Variants in EGLN3 observed in about 807,000 individuals in gnomAD.
EGLN3 encodes prolyl hydroxylase EGLN3.
Under a neutral mutation model 26.0 loss-of-function variants are expected in EGLN3, and 15 were observed. The observed-to-expected ratio is 0.58, with a 90% CI of 0.39 to 0.89. The LOEUF (loss-of-function observed/expected upper bound fraction) is 0.89, where lower values mean the gene tolerates loss of function less well. Among genes scored for constraint, EGLN3 ranks in the 40% least tolerant of loss-of-function variants. EGLN3 has a pLI of 0.00. For missense variants in EGLN3, 238 were observed against 311.6 expected (o/e 0.76, Z 1.78); for synonymous variants, 147 against 127.2 (o/e 1.16, Z -1.05).
chr14:33,927,050 G>C lies in EGLN3; in HGVS notation c.615-17C>G, dbSNP rs756965594. ...ATAGCATATCTGTGAAAGATAAGCA[G>C]ATATAAGGAAAGAGATTTAATGGTA... On this transcript the variant is annotated splice_polypyrimidine_tract_variant and intron_variant, in intron 3 of 4. Coordinates refer to ENST00000250457, the MANE Select transcript of EGLN3 (RefSeq NM_022073.4). 1.3e-6 allele frequency: 2 copies of C among 1,561,366 alleles called. No individual in the cohort carries two copies. Among genetic ancestry groups the C allele is most frequent in the South Asian group, 2.5e-5 (2 of 80,768 alleles).
chr14:33,941,271 G>A (rs2064481053), intron 1 of EGLN3, among the ~76,000 whole-genome samples: 1 of 152,042 alleles, frequency 6.6e-6, no homozygotes, highest in African/African-American at 2.4e-5. Flanking sequence ...AACTTGCCAG[G>A]GGCTGAGCTA....
In EGLN3 at chr14:33,936,384, C is replaced by A. The variant is rs543986082; in HGVS notation, c.358-5169G>T. On this transcript the variant is annotated intron_variant, in intron 1 of 4. Transcript: ENST00000250457. ...ATGGGTCTCATTTATATTCGGGTGACAACAGCCTAGGTGACAAACTTGCCA... is the reference window on the plus strand; with the variant it reads ...ATGGGTCTCATTTATATTCGGGTGAAAACAGCCTAGGTGACAAACTTGCCA... 6.0e-4 allele frequency among the ~76,000 whole-genome samples: 91 copies of A among 152,226 alleles called. 1 individual carries two copies. In the South Asian group the frequency reaches 0.018, roughly 30 times the overall value.
chr14:33,935,301 C>G (rs1247086658), intron 1 of EGLN3, among the ~76,000 whole-genome samples: 1 of 152,178 alleles, frequency 6.6e-6, no homozygotes, highest in African/African-American at 2.4e-5. Flanking sequence ...TAGAACGTCT[C>G]TTCTTCAGAG....
chr14:33,934,903 A>G (rs1232059527), intron 1 of EGLN3, among the ~76,000 whole-genome samples: 3 of 152,216 alleles, frequency 2.0e-5, no homozygotes, highest in Non-Finnish European at 4.4e-5. Context: ...ATGAAAATCC[A>G]TTGTTTAAGA....
rs2064418478 is a variant in EGLN3, at chr14:33,933,449, T to G, written c.358-2234A>C. ...ACAAAACCCCTACATGTCAGCAAAG[T>G]ATCCGACTGCTTAAGAGGGAGGCAA... is the stretch of plus-strand genomic sequence containing the variant. On this transcript the variant is annotated intron_variant, in intron 1 of 4. Coordinates refer to ENST00000250457, the MANE Select transcript of EGLN3 (RefSeq NM_022073.4). 3.3e-5 allele frequency among the ~76,000 whole-genome samples: 5 copies of G among 151,984 alleles called. No homozygotes were observed. The South Asian group carries it at 8.3e-4, about 25-fold the overall frequency.
chr14:33,949,339 G>A (rs1033185714), intron 1 of EGLN3: 4 of 152,164 alleles, frequency 2.6e-5, no homozygotes, highest in Non-Finnish European at 5.9e-5. Flanking sequence ...AGACTGATTT[G>A]AGAAATACTA....
At chr14:33,949,570 C>T (rs1054686109) in intron 1 of EGLN3, 2 of 152,180 alleles carry the variant, frequency 1.3e-5, no homozygotes, top group Admixed American at 1.3e-4. Context: ...TGGACATGCA[C>T]CAACATCGCG....
At chr14:33,931,392 G>A (rs2064402697) in intron 1 of EGLN3, 177 bp from the exon 2 acceptor site, 3 of 811,032 alleles carry the variant, frequency 3.7e-6, no homozygotes, top group African/African-American at 3.4e-5. Flanking sequence ...GTGCACAATG[G>A]CCAGGTCATA....
At position 33,950,501 on chromosome 14, in the gene EGLN3, G is replaced by T. The variant is rs765622460; in HGVS notation, c.252C>A (p.Asn84Lys). ...RGDQITWIGG[N>K]EEGCEAISFL... ...AGCTGATGGCCTCGCAGCCCTCCTC[G>T]TTGCCCCCGATCCACGTGATCTGGT... Residue 84 changes from asparagine to lysine, a missense_variant, in exon 1 of 5, where the codon AAC becomes AAA. By Grantham distance (94) the Asn-to-Lys change is moderately conservative. Transcript: ENST00000250457. The T allele has an allele frequency of 6.2e-7, 1 of 1,613,662 alleles. No individual in the cohort carries two copies. The highest frequency in any genetic ancestry group is 8.5e-7 in the Non-Finnish European group (1 of 1,180,044).
At chr14:33,926,355 G>A (rs982175879) in intron 4 of EGLN3, among the ~76,000 whole-genome samples, 6 of 152,160 alleles carry the variant, frequency 3.9e-5, no homozygotes, top group African/African-American at 7.2e-5. Context: ...ATCTCTTAGC[G>A]CCTTAATTTA....
chr14:33,925,797 G>A lies in EGLN3; in HGVS notation c.*94C>T, dbSNP rs1566595842. 1.4e-6 allele frequency: 2 copies of A among 1,415,630 alleles called. No individual in the cohort carries two copies. Among genetic ancestry groups the A allele is most frequent in the Admixed American group, 1.7e-5 (1 of 58,684 alleles). 87.7% of individuals were successfully genotyped at this position (1,415,630 alleles called of 1,614,324 possible). ...TGCAAGAAGTAGCAGGGAGATTGTTGTCACTGAAGAGGCCATCTTTGGATC... is the reference window on the plus strand; with the variant it reads ...TGCAAGAAGTAGCAGGGAGATTGTTATCACTGAAGAGGCCATCTTTGGATC... On this transcript the variant is annotated 3_prime_UTR_variant, in exon 5 of 5. Transcript: ENST00000250457.
chr14:33,941,208 A>C (rs998594144), intron 1 of EGLN3, among the ~76,000 whole-genome samples: 1 of 152,150 alleles, frequency 6.6e-6, no homozygotes, highest in Non-Finnish European at 1.5e-5. Flanking sequence ...AAGTTCAAAA[A>C]TGAAAACAAG....
Position 33,950,600 on chromosome 14 carries a change from G to A in EGLN3, c.153C>T (p.His51=), listed in dbSNP as rs1566602986. The A allele has an allele frequency of 6.2e-7, 1 of 1,613,584 alleles. No individual in the cohort carries two copies. The highest frequency in any genetic ancestry group is 8.5e-7 in the Non-Finnish European group (1 of 1,179,872). ...DCVLERVKQL[H]CTGALRDGQL... is the part of the protein sequence containing the mutation. The stretch of plus-strand genomic sequence containing the variant: ...GGCCGTCCCGCAGGGCCCCGGTGCA[G>A]TGCAGCTGCTTGACGCGCTCCAGGA... Residue 51 remains histidine (H), a synonymous_variant, in exon 1 of 5, where the codon CAC becomes CAT. Coordinates refer to ENST00000250457, the MANE Select transcript of EGLN3 (RefSeq NM_022073.4).
Position 33,931,110 on chromosome 14 carries a change from T to C in EGLN3, c.463A>G (p.Asn155Asp). 1 of 1,614,216 alleles carries C rather than the reference T, an allele frequency of 6.2e-7. No individual in the cohort carries two copies. Residue 155 changes from asparagine to aspartate, a missense_variant, in exon 2 of 5, where the codon AAT becomes GAT. Coordinates refer to ENST00000250457, the MANE Select transcript of EGLN3 (RefSeq NM_022073.4). Reference protein sequence around the residue: ...CITCIYYLNKNWDAKLHGGIL... With the variant: ...CITCIYYLNKDWDAKLHGGIL... ...TTCAAAAGTACCTTGGCATCCCAAT[T>C]CTTGTTCAGATAGTAGATGCAGGTG...
rs545718372 is a variant in EGLN3, at chr14:33,942,908, G to A, written c.357+7488C>T. Among the ~76,000 whole-genome samples, 107 of 152,232 alleles carry A rather than the reference G, an allele frequency of 7.0e-4. 1 individual carries two copies. The highest frequency in any genetic ancestry group is 1.3e-3 in the Non-Finnish European group (89 of 68,022). On this transcript the variant is annotated intron_variant, in intron 1 of 4. Transcript: ENST00000250457. Reference sequence around the variant, plus strand: ...GAGGTATTGACACTGTACTGAACACGGAGAACACTAAGTAACAAGGTACCA... The same window carrying A: ...GAGGTATTGACACTGTACTGAACACAGAGAACACTAAGTAACAAGGTACCA...
intron 2 of EGLN3, among the ~76,000 whole-genome samples, chr14:33,929,633 T>C (rs1363389317): frequency 2.0e-5 from 3 of 152,206 alleles, no homozygotes; most frequent in Non-Finnish European, 2.9e-5. Flanking sequence ...ATTATAGGCA[T>C]GAGCCACCAC....
chr14:33,927,660 A>C (rs2064371990), intron 3 of EGLN3, among the ~76,000 whole-genome samples: 1 of 152,186 alleles, frequency 6.6e-6, no homozygotes, highest in African/African-American at 2.4e-5. Context: ...TGCAACAGGT[A>C]AACATAGCCT....
At chr14:33,933,718 T>C (rs138417503) in intron 1 of EGLN3, among the ~76,000 whole-genome samples, 88 of 152,196 alleles carry the variant, frequency 5.8e-4, no homozygotes, top group African/African-American at 1.9e-3. Flanking sequence ...AGGCTAAGGA[T>C]GCACCGAGAA....
intron 1 of EGLN3, among the ~76,000 whole-genome samples, chr14:33,932,284 G>A (rs1161378546): frequency 2.6e-5 from 4 of 152,086 alleles, no homozygotes; most frequent in African/African-American, 9.7e-5. Context: ...ACTAGCGAAT[G>A]GCTCTTTCTC....
Sources: allele counts gnomAD v4.1 joint callset (sites outside exome capture counted in the v4.1 genomes callset), GRCh38; gene constraint gnomAD v4.1.1; transcripts MANE v1.5; gene names NCBI Gene and HGNC (gene_info 2026-07-23, HGNC 2026-07-21).